Variants in LARGE1 observed in about 807,000 individuals in gnomAD.
LARGE1 encodes the protein xylosyl- and glucuronyltransferase LARGE1.
In LARGE1, 43 loss-of-function variants were observed where a neutral mutation model predicts 87.6. That is an observed-to-expected ratio of 0.49 (90% CI 0.38 to 0.63). The LOEUF is 0.63. Ranked by LOEUF, LARGE1 falls within the 30% of genes least tolerant of loss-of-function variation. LARGE1 has a pLI of 0.00. For synonymous variants in LARGE1, 434 were observed against 394.6 expected, an observed-to-expected ratio of 1.10 and a Z score of -1.18; for missense variants, 802 against 1,000.2, an observed-to-expected ratio of 0.80 and a Z score of 2.67.
intron 13 of LARGE1, among the ~76,000 whole-genome samples, chr22:33,281,685 TGG>T (rs1045531950): frequency 5.3e-5 from 8 of 151,988 alleles, no homozygotes; most frequent in African/African-American, 1.2e-4. Context: ...TTGGGTTGGG[TGG>T]GGGGTTACTA....
chr22:33,918,888 A>C (rs572614260), intron 1 of LARGE1, among the ~76,000 whole-genome samples: 1 of 149,678 alleles, frequency 6.7e-6, no homozygotes, highest in South Asian at 2.2e-4. Context: ...TCTCCCCTTG[A>C]AGGAAGCAGG....
intron 12 of LARGE1, among the ~76,000 whole-genome samples, chr22:33,298,599 C>T (rs1365729314): frequency 6.6e-6 from 1 of 152,056 alleles, no homozygotes; most frequent in African/African-American, 2.4e-5. Context: ...GAGGCAGGAG[C>T]ACTGCTTGAG....
intron 7 of LARGE1, among the ~76,000 whole-genome samples, chr22:33,392,736 A>C (rs1340469749): frequency 6.6e-6 from 1 of 152,222 alleles, no homozygotes; most frequent in East Asian, 1.9e-4. Context: ...TTTAAATGGC[A>C]TCTGGTACAG....
the LARGE1 span, among the ~76,000 whole-genome samples, chr22:33,104,935 CTTTCTT>C: frequency 2.1e-5 from 3 of 141,218 alleles, no homozygotes; most frequent in African/African-American, 8.0e-5. Context: ...TTCTTTCTTT[CTTTCTT>C]TCTTTCTCTT....
rs190370344 is a variant in LARGE1 at position 33,475,652 on chromosome 22, G to A, written c.788-43387C>T. 3.1e-3 allele frequency among the ~76,000 whole-genome samples: 468 copies of A among 151,836 alleles called. 3 individuals are homozygous for A. The highest frequency in any genetic ancestry group is 0.022 in the South Asian group (103 of 4,686). On this transcript the variant is annotated intron_variant, in intron 6 of 14. Transcript: ENST00000397394. ...AATTTTTTGTATTTTTAGTAGAGAC[G>A]GGGTTTCTCCAAGTCGGTCAGAGTG...
chr22:33,576,696 CCCT>C (rs1468524068), intron 5 of LARGE1, among the ~76,000 whole-genome samples: 1 of 152,060 alleles, frequency 6.6e-6, no homozygotes, highest in Non-Finnish European at 1.5e-5. Flanking sequence ...GGTTCCAGCA[CCCT>C]CAAGGATACC....
intron 1 of LARGE1, among the ~76,000 whole-genome samples, chr22:33,827,571 T>G (rs2062836951): frequency 6.6e-6 from 1 of 152,120 alleles, no homozygotes; most frequent in South Asian, 2.1e-4. Flanking sequence ...CTGGCCTGAA[T>G]TCACTCCTGG....
intron 9 of LARGE1, among the ~76,000 whole-genome samples, chr22:33,374,117 T>C (rs778552301): frequency 6.6e-6 from 1 of 152,170 alleles, no homozygotes; most frequent in Non-Finnish European, 1.5e-5. Context: ...GTGCTATTAC[T>C]AAGGACCATG....
At chr22:33,853,560 CCA>C (rs931630307) in intron 1 of LARGE1, among the ~76,000 whole-genome samples, 3 of 152,314 alleles carry the variant, frequency 2.0e-5, no homozygotes, top group Non-Finnish European at 4.4e-5. Flanking sequence ...ATGCAAAACA[CCA>C]CACACCAGTA....
chr22:33,902,882 A>T (rs1335672660), intron 1 of LARGE1, among the ~76,000 whole-genome samples: 1 of 152,208 alleles, frequency 6.6e-6, no homozygotes, highest in African/African-American at 2.4e-5. Context: ...CTGTAATCCC[A>T]GCACTTTGGA....
chr22:33,779,618 C>A (rs385486), intron 1 of LARGE1, among the ~76,000 whole-genome samples: 122,816 of 151,808 alleles, frequency 0.81, 49,820 homozygotes, highest in East Asian at 0.97. Context: ...CATCTCTACT[C>A]AAAATACAAA....
chr22:33,865,901 T>C (rs1436639665), intron 1 of LARGE1, among the ~76,000 whole-genome samples: 1 of 125,372 alleles, frequency 8.0e-6, no homozygotes. Context: ...CAGGCTGGAG[T>C]CCAGTGGCAT....
intron 6 of LARGE1, among the ~76,000 whole-genome samples, chr22:33,494,819 G>A (rs963116539): frequency 6.6e-6 from 1 of 152,218 alleles, no homozygotes; most frequent in Middle Eastern, 3.2e-3. Flanking sequence ...ACTGCCTGCA[G>A]GTTCTGCAAA....
intron 2 of LARGE1, among the ~76,000 whole-genome samples, chr22:33,669,072 T>A (rs914929623): frequency 6.6e-6 from 1 of 152,068 alleles, no homozygotes; most frequent in Non-Finnish European, 1.5e-5. Context: ...GGCAGCAGAG[T>A]GGAGAAAAGG....
chr22:33,818,557 G>A (rs2086725984), intron 1 of LARGE1, among the ~76,000 whole-genome samples: 1 of 152,136 alleles, frequency 6.6e-6, no homozygotes, highest in Non-Finnish European at 1.5e-5. Context: ...GAAAAAGGGA[G>A]GTTCCCAATC....
chr22:33,476,776 G>C (rs541224626), intron 6 of LARGE1, among the ~76,000 whole-genome samples: 36 of 151,182 alleles, frequency 2.4e-4, no homozygotes, highest in African/African-American at 8.5e-4. Flanking sequence ...TTCATGACCA[G>C]ATCATAAGCA....
chr22:33,696,248 TTTCTTTCTTTCTTTC>T (rs1446895550), intron 2 of LARGE1, among the ~76,000 whole-genome samples: 2 of 111,334 alleles, frequency 1.8e-5, no homozygotes, highest in African/African-American at 6.9e-5. Flanking sequence ...TCTTTCTTTC[TTTCTTTCTTTCTTTC>T]TTTTTTTTTT....
At chr22:33,196,924 A>G (rs911405794) in intron 11 of LARGE1, among the ~76,000 whole-genome samples, 2 of 152,208 alleles carry the variant, frequency 1.3e-5, no homozygotes, top group East Asian at 3.8e-4. Context: ...AAAAATACAT[A>G]CATACAACAT....
At chr22:33,198,412 C>T (rs1199921022) in intron 11 of LARGE1, among the ~76,000 whole-genome samples, 1 of 151,958 alleles carries the variant, frequency 6.6e-6, no homozygotes, top group Non-Finnish European at 1.5e-5. Flanking sequence ...CCTCAAACTC[C>T]TCTTTTATTA....
Sources: allele counts gnomAD v4.1 joint callset (sites outside exome capture counted in the v4.1 genomes callset), GRCh38; gene constraint gnomAD v4.1.1; transcripts MANE v1.5; gene names NCBI Gene and HGNC (gene_info 2026-07-23, HGNC 2026-07-21).